The following ODAD2 variants were observed in gnomAD, a reference collection of about 807,000 sequenced individuals.
ODAD2 encodes outer dynein arm docking complex subunit 2.
ODAD2 carries 89 observed loss-of-function variants against 106.8 expected under a neutral mutation model. The observed-to-expected ratio is 0.83, with a 90% confidence interval of 0.70 to 0.99. ODAD2 has a LOEUF of 0.99. Ranked by LOEUF, ODAD2 falls within the 50% of genes least tolerant of loss-of-function variation. The probability of loss-of-function intolerance (pLI) is 0.00; values close to 1 mark genes in which losing one functional copy is unlikely to be tolerated. For missense variants in ODAD2, 1,168 were observed against 1,238.5 expected (o/e 0.94, Z 0.85); for synonymous variants, 404 against 436.2 (o/e 0.93, Z 0.92).
intron 16 of ODAD2, among the ~76,000 whole-genome samples, chr10:27,925,195 T>C (rs1053635576): frequency 6.6e-6 from 1 of 152,076 alleles, no homozygotes; most frequent in African/African-American, 2.4e-5. Context: ...AAGTGAGACT[T>C]ATTCCAGGAA....
chr10:27,854,350 C>T (rs887053590), intron 19 of ODAD2, among the ~76,000 whole-genome samples: 1 of 152,136 alleles, frequency 6.6e-6, no homozygotes, highest in Non-Finnish European at 1.5e-5. Context: ...CCATTCACTC[C>T]TAGGTATTTA....
intron 7 of ODAD2, among the ~76,000 whole-genome samples, chr10:27,974,303 T>C (rs1849046525): frequency 6.6e-6 from 1 of 152,050 alleles, no homozygotes; most frequent in Admixed American, 6.6e-5. Flanking sequence ...ATTTTTGCTT[T>C]TGTTGCAATT....
intron 19 of ODAD2, among the ~76,000 whole-genome samples, chr10:27,856,339 G>T (rs1839653361): frequency 6.6e-6 from 1 of 152,064 alleles, no homozygotes; most frequent in Admixed American, 6.5e-5. Flanking sequence ...AACATAAGTG[G>T]ATCAGGAAAT....
chr10:27,828,718 T>A (rs1360753917), intron 19 of ODAD2, among the ~76,000 whole-genome samples: 1 of 152,234 alleles, frequency 6.6e-6, no homozygotes, highest in Non-Finnish European at 1.5e-5. Flanking sequence ...TTCCATGAAA[T>A]AATTTTGTTT....
chr10:27,996,630 A>G (rs1022826183), intron 1 of ODAD2, among the ~76,000 whole-genome samples: 11 of 152,198 alleles, frequency 7.2e-5, no homozygotes, highest in Non-Finnish European at 1.5e-4. Context: ...ATTGCAGAGT[A>G]TTTTGTCACA....
Position 27,818,557 on chromosome 10 carries a change from A to G in ODAD2, c.3022-5932T>C, listed in dbSNP as rs1836327841. 2.6e-5 allele frequency among the ~76,000 whole-genome samples: 4 copies of G among 152,188 alleles called. No homozygotes were observed. The South Asian group carries it at 8.3e-4, about 32-fold the overall frequency. ...ACCTGTAGGTGTTTCTGGGCCCTGG[A>G]TTAGAGGACCTAATCCTATACTAAG... On this transcript the variant is annotated intron_variant, in intron 19 of 19. Transcript: ENST00000305242.
chr10:27,826,037 T>C (rs1837013113), intron 19 of ODAD2, among the ~76,000 whole-genome samples: 1 of 152,236 alleles, frequency 6.6e-6, no homozygotes, highest in Non-Finnish European at 1.5e-5. Context: ...TCCACATTAA[T>C]TAATCAACCA....
intron 19 of ODAD2, among the ~76,000 whole-genome samples, chr10:27,814,599 C>T (rs1052174103): frequency 1.3e-5 from 2 of 152,172 alleles, no homozygotes; most frequent in Admixed American, 1.3e-4. Context: ...ATGTCTCCTC[C>T]CACGATTTGG....
chr10:27,993,763 T>C (rs1850371116), intron 2 of ODAD2, among the ~76,000 whole-genome samples: 1 of 152,194 alleles, frequency 6.6e-6, no homozygotes, highest in African/African-American at 2.4e-5. Flanking sequence ...TTGCTGCAGT[T>C]CTAAAAATGA....
Position 27,981,451 on chromosome 10 carries a change from A to T in ODAD2, c.936+15T>A, listed in dbSNP as rs1178868716. On this transcript the variant is annotated intron_variant, in intron 7 of 19. Transcript: ENST00000305242. ...CATAATGCTATGAAAGCTCAAAAGAAACCATAAAACTTACCAATTTAGACA... is the reference window on the plus strand; with the variant it reads ...CATAATGCTATGAAAGCTCAAAAGATACCATAAAACTTACCAATTTAGACA... The T allele has an allele frequency of 1.4e-6, 2 of 1,478,212 alleles. No individual in the cohort carries two copies. The highest frequency in any genetic ancestry group is 1.8e-6 in the Non-Finnish European group (2 of 1,121,134). 91.6% of individuals were successfully genotyped at this position (1,478,212 alleles called of 1,614,324 possible).
intron 17 of ODAD2, chr10:27,904,152 A>G (rs1843413604): frequency 9.4e-6 from 2 of 212,556 alleles, no homozygotes; most frequent in Admixed American, 8.9e-5. Context: ...TCAGCTCTGT[A>G]AGCATAAATG....
rs778536293 is a variant in ODAD2, at chr10:27,985,280, G to A, written c.383-69C>T. The A allele has an allele frequency of 4.9e-6, 6 of 1,236,958 alleles. No homozygotes were observed. In the South Asian group the frequency reaches 8.2e-5, roughly 17 times the overall value. 76.6% of individuals were successfully genotyped at this position (1,236,958 alleles called of 1,614,324 possible). ...TGTCTTCTAGTACAACAAACATTAA[G>A]ACTAATAAATCCTTCAAAGTCCATT... is the stretch of plus-strand genomic sequence containing the variant. On this transcript the variant is annotated intron_variant, in intron 3 of 19. Transcript: ENST00000305242.
chr10:27,924,000 A>AAGAGAGAG lies in ODAD2; in HGVS notation c.2495+11009_2495+11010insCTCTCTCT, dbSNP rs1564509068. On this transcript the variant is annotated intron_variant, in intron 16 of 19. Coordinates refer to ENST00000305242, the MANE Select transcript of ODAD2 (RefSeq NM_018076.5). Reference sequence around the variant, plus strand: ...AAAGAAAGAAAGAAAGAAAGAAAGAAAGAAAGAAAGAAAGAAAGAAAGAAG... The same window carrying AAGAGAGAG: ...AAAGAAAGAAAGAAAGAAAGAAAGAAAGAGAGAGAGAAAGAAAGAAAGAAAGAAAGAAG... Among the ~76,000 whole-genome samples the AAGAGAGAG allele has an allele frequency of 1.0e-3, 138 of 137,338 alleles. 4 individuals are homozygous for AAGAGAGAG. The highest frequency in any genetic ancestry group is 3.6e-3 in the African/African-American group (132 of 36,590). The allele number at this position is 137,338 out of a possible 152,430, so 90.1% of individuals were successfully genotyped here.
chr10:27,946,887 T>C (rs1014425722), intron 10 of ODAD2, among the ~76,000 whole-genome samples: 1 of 152,210 alleles, frequency 6.6e-6, no homozygotes, highest in Non-Finnish European at 1.5e-5. Context: ...TCAGCCTTTC[T>C]TCTTACTCCA....
At chr10:27,870,395 T>C (rs2133423101) in intron 17 of ODAD2, among the ~76,000 whole-genome samples, 1 of 152,314 alleles carries the variant, frequency 6.6e-6, no homozygotes, top group East Asian at 1.9e-4. Context: ...AGGGTACATG[T>C]GCTCAACATG....
rs150248097 is a variant in ODAD2, at chr10:27,857,314, A to C, written c.3021+3311T>G. 5.9e-5 allele frequency among the ~76,000 whole-genome samples: 9 copies of C among 152,338 alleles called. No homozygotes were observed. In the East Asian group the frequency reaches 1.7e-3, roughly 29 times the overall value. On this transcript the variant is annotated intron_variant, in intron 19 of 19. Coordinates refer to ENST00000305242, the MANE Select transcript of ODAD2 (RefSeq NM_018076.5). ...CTAGCTAATTTTATTGTACTAATAC[A>C]TAATACATATAACATACGAAATATG...
chr10:27,845,217 G>T (rs1974221), intron 19 of ODAD2, among the ~76,000 whole-genome samples: 81,330 of 151,970 alleles, frequency 0.54, 23,453 homozygotes, highest in Middle Eastern at 0.68. Flanking sequence ...ACTAACAGAG[G>T]ATCTCTTGGC....
At chr10:27,936,688 C>T (rs374921183) in intron 15 of ODAD2, 38 bp downstream of exon 15, 24 of 1,610,298 alleles carry the variant, frequency 1.5e-5, no homozygotes, top group African/African-American at 6.7e-5. Context: ...TTTCAGAAGC[C>T]GTATCTTCAT....
chr10:27,928,831 AT>A (rs1439812377), intron 16 of ODAD2, among the ~76,000 whole-genome samples: 3 of 152,152 alleles, frequency 2.0e-5, no homozygotes, highest in African/African-American at 7.2e-5. Flanking sequence ...CACTTATTAT[AT>A]GTCAGTCACT....
Sources: allele counts gnomAD v4.1 joint callset (sites outside exome capture counted in the v4.1 genomes callset), GRCh38; gene constraint gnomAD v4.1.1; transcripts MANE v1.5; gene names NCBI Gene and HGNC (gene_info 2026-07-23, HGNC 2026-07-21).